ZSCAN10: variants seen among roughly 807,000 people sequenced by gnomAD.
ZSCAN10 encodes zinc finger and SCAN domain-containing protein 10.
A neutral mutation model predicts 63.7 loss-of-function variants in ZSCAN10; 52 were observed. The ratio of observed to expected loss-of-function variants is 0.82; its 90% CI spans 0.65 to 1.03. The LOEUF is 1.03. Ranked by LOEUF, ZSCAN10 falls within the 50% of genes least tolerant of loss-of-function variation. The probability of loss-of-function intolerance (pLI) is 0.00; values close to 1 mark genes in which losing one functional copy is unlikely to be tolerated. For missense variants in ZSCAN10, 1,223 were observed against 1,103.8 expected (o/e 1.11, Z -1.53); for synonymous variants, 544 against 479.6 (o/e 1.13, Z -1.76).
rs1051757930 is a variant in ZSCAN10, at chr16:3,096,907, C to T, written c.-68+2283G>A. Among the ~76,000 whole-genome samples the T allele has an allele frequency of 2.8e-5, 4 of 143,178 alleles. No individual in the cohort carries two copies. In the Admixed American group the frequency reaches 2.8e-4, roughly 10 times the overall value. 93.9% of individuals were successfully genotyped at this position (143,178 alleles called of 152,430 possible). On this transcript the variant is annotated intron_variant, in intron 1 of 5. Transcript: ENST00000576985. ...TCGTGCCACTGCACTCCAGCCTGGG[C>T]GACAGAATTAGACTCTGCCTCAAAA... is the stretch of plus-strand genomic sequence containing the variant.
intron 1 of ZSCAN10, among the ~76,000 whole-genome samples, chr16:3,094,588 G>A (rs750493066): frequency 3.3e-5 from 5 of 152,100 alleles, no homozygotes; most frequent in African/African-American, 1.2e-4. Flanking sequence ...CAGGTGATCC[G>A]CCCGCTTCGG....
chr16:3,091,943 C>T, intron 3 of ZSCAN10, 106 bp downstream of exon 3: 1 of 1,586,952 alleles, frequency 6.3e-7, no homozygotes, highest in South Asian at 1.1e-5. Flanking sequence ...CCTTGGCGCT[C>T]TCCTGTCCTG....
In ZSCAN10 at chr16:3,090,556, T is replaced by C. The variant is rs757954787; in HGVS notation, c.878A>G (p.Gln293Arg). 2 of 1,606,212 alleles carry C rather than the reference T, an allele frequency of 1.2e-6. No individual in the cohort carries two copies. The highest frequency in any genetic ancestry group is 2.2e-5 in the East Asian group (1 of 44,618). ...TCCCGGCACCCCAGGACTATCTGCCTGGGACTCTGCTAAGATGGGAGTGGG... is the reference window on the plus strand; with the variant it reads ...TCCCGGCACCCCAGGACTATCTGCCCGGGACTCTGCTAAGATGGGAGTGGG... ...AWPTPILAES[Q>R]ADSPGVPGEP... The change falls in exon 6 of 6, where the codon CAG becomes CGG. Residue 293 changes from glutamine to arginine, a missense_variant. Physicochemically the swap from Gln to Arg is conservative, Grantham distance 43 (BLOSUM62 1). Transcript: ENST00000576985.
rs748624320 is a variant in ZSCAN10 at position 3,089,580 on chromosome 16, G to T, written c.1854C>A (p.Thr618=). 1 of 1,588,866 alleles carries T rather than the reference G, an allele frequency of 6.3e-7. No individual in the cohort carries two copies. Among genetic ancestry groups the T allele is most frequent in the Non-Finnish European group, 8.6e-7 (1 of 1,168,350 alleles). Residue 618 remains threonine, a synonymous_variant, in exon 6 of 6, where the codon ACC becomes ACA. Coordinates refer to ENST00000576985, the MANE Select transcript of ZSCAN10 (RefSeq NM_032805.3). ...TGCGCTGGTGGCGGGCCAGATCCTG[G>T]GTCTGGCCGAAACTCTTCCCGCACT... ...CTQCGKSFGQ[T]QDLARHQRSH... is the part of the protein sequence containing the mutation.
At chr16:3,098,900 T>C (rs1038396374) in intron 1 of ZSCAN10, among the ~76,000 whole-genome samples, 4 of 152,218 alleles carry the variant, frequency 2.6e-5, no homozygotes, top group African/African-American at 9.6e-5. Context: ...TCCCTCCGCG[T>C]GCTGGGCTGA....
rs977208300 is a variant in ZSCAN10, at chr16:3,099,227, G to C, written c.-105C>G. ...CCACTACACAGGCAGAGATGCTGGG[G>C]GGTTTTCTGAGGACTCCAGGGCCAA... On this transcript the variant is annotated 5_prime_UTR_variant, in exon 1 of 6. Transcript: ENST00000576985. The C allele has an allele frequency of 7.9e-5, 12 of 152,468 alleles. No individual in the cohort carries two copies. The highest frequency in any genetic ancestry group is 2.9e-4 in the African/African-American group (12 of 41,448). The allele number at this position is 152,468 out of a possible 1,614,324, so 9.4% of individuals were successfully genotyped here.
In ZSCAN10 at chr16:3,090,491, T is replaced by C. The variant is rs2151214914; in HGVS notation, c.943A>G (p.Ser315Gly). 6.2e-7 allele frequency: 1 copy of C among 1,613,352 alleles called. No homozygotes were observed. The highest frequency in any genetic ancestry group is 1.6e-4 in the Middle Eastern group (1 of 6,062). The part of the protein sequence containing the change: ...AQSLGRGAAA[S>G]GPGEDGSLLG... ...AGGGACCCATCTTCACCAGGGCCGC[T>C]AGCCGCAGCGCCCCGTCCGAGCGAC... The change falls in exon 6 of 6, where the codon AGC becomes GGC. Residue 315 changes from serine to glycine, a missense_variant. Coordinates refer to ENST00000576985, the MANE Select transcript of ZSCAN10 (RefSeq NM_032805.3).
Position 3,089,297 on chromosome 16 carries a change from C to A in ZSCAN10, c.2137G>T (p.Ala713Ser). Residue 713 changes from alanine to serine, a missense_variant, in exon 6 of 6, where the codon GCG (alanine) becomes TCG (serine). Coordinates refer to ENST00000576985, the MANE Select transcript of ZSCAN10 (RefSeq NM_032805.3). Reference sequence around the variant, plus strand: ...TCGGCCTGCTCCTGCCCGGGCTCCGCATGGGTAGCCAGGTGCCGCCGCAGA... The same window carrying A: ...TCGGCCTGCTCCTGCCCGGGCTCCGAATGGGTAGCCAGGTGCCGCCGCAGA... ...AHLRRHLATH[A>S]EPGQEQAEPP... is the part of the protein sequence containing the mutation. 1 of 1,568,076 alleles carries A rather than the reference C, an allele frequency of 6.4e-7. No individual in the cohort carries two copies.
At chr16:3,093,099 C>T in intron 1 of ZSCAN10, 95 bp from the exon 2 acceptor site, 4 of 956,978 alleles carry the variant, frequency 4.2e-6, no homozygotes, top group Non-Finnish European at 5.5e-6. Context: ...TACGCAGACC[C>T]AGAGGAATCG....
intron 1 of ZSCAN10, among the ~76,000 whole-genome samples, chr16:3,095,785 G>A (rs1014726834): frequency 1.2e-4 from 17 of 147,504 alleles, no homozygotes; most frequent in Admixed American, 1.1e-3. Flanking sequence ...CCAAGATCGC[G>A]CCACTGCACT....
rs1159862538 is a variant in ZSCAN10, at chr16:3,089,517, G to A, written c.1917C>T (p.Cys639=). 1.2e-6 allele frequency: 2 copies of A among 1,602,234 alleles called. No homozygotes were observed. The highest frequency in any genetic ancestry group is 8.5e-7 in the Non-Finnish European group (1 of 1,175,586). ...TGEKPCRCSE[C]GEGFSQSAHL... ...GGGCGCTCTGGCTGAAGCCCTCACC[G>A]CACTCGCTGCAGCGGCAGGGCTTCT... Residue 639 remains cysteine, a synonymous_variant, in exon 6 of 6, where the codon TGC becomes TGT. Transcript: ENST00000576985.
chr16:3,090,297 A>C lies in ZSCAN10; in HGVS notation c.1137T>G (p.Leu379=). 1.2e-6 allele frequency: 2 copies of C among 1,609,312 alleles called. No homozygotes were observed. The highest frequency in any genetic ancestry group is 4.5e-5 in the East Asian group (2 of 44,832). Reference sequence around the variant, plus strand: ...TGCGGCCGAAGCTCTTCCCGCAGCAAAGGCACAGGAAGGAGCGCCCAGCCG... The same window carrying C: ...TGCGGCCGAAGCTCTTCCCGCAGCACAGGCACAGGAAGGAGCGCCCAGCCG... The part of the protein sequence containing the change: ...SHPAGRSFLC[L]CCGKSFGRSS... Residue 379 remains leucine, a synonymous_variant, in exon 6 of 6, where the codon CTT becomes CTG. Transcript: ENST00000576985.
rs535408972 is a variant in ZSCAN10 at position 3,088,951 on chromosome 16, G to A, written c.*140C>T. ...TACATAGCTGAGGCCAGAAAGCAAT[G>A]CCTCGGCCAGGGAAGGACAGCTGTG... On this transcript the variant is annotated 3_prime_UTR_variant, in exon 6 of 6. Coordinates refer to ENST00000576985, the MANE Select transcript of ZSCAN10 (RefSeq NM_032805.3). 2 of 1,358,910 alleles carry A rather than the reference G, an allele frequency of 1.5e-6. No individual in the cohort carries two copies. Among genetic ancestry groups the A allele is most frequent in the East Asian group, 6.0e-5 (2 of 33,142 alleles). The allele number at this position is 1,358,910 out of a possible 1,614,324, so 84.2% of individuals were successfully genotyped here.
In ZSCAN10 at chr16:3,089,034, G is replaced by T. The variant is rs1208034104; in HGVS notation, c.*57C>A. 5 of 1,432,668 alleles carry T rather than the reference G, an allele frequency of 3.5e-6. No homozygotes were observed. Among genetic ancestry groups the T allele is most frequent in the Non-Finnish European group, 3.6e-6 (4 of 1,103,322 alleles). The allele number at this position is 1,432,668 out of a possible 1,614,324, so 88.7% of individuals were successfully genotyped here. A position where few individuals can be genotyped will look rare whatever the true frequency, so the allele number is the denominator to read the frequency against. ...GGAAGGGACATTCCTGCAGGCCTCC[G>T]CTGTGGAGGACCCCGGGTAGGTGGC... On this transcript the variant is annotated 3_prime_UTR_variant, in exon 6 of 6. Transcript: ENST00000576985.
rs1166204427 is a variant in ZSCAN10 at position 3,092,477 on chromosome 16, C to T, written c.396+65G>A. 5.5e-6 allele frequency: 8 copies of T among 1,451,170 alleles called. No individual in the cohort carries two copies. The Middle Eastern group carries it at 5.4e-4, about 98-fold the overall frequency. 89.9% of individuals were successfully genotyped at this position (1,451,170 alleles called of 1,614,324 possible). On this transcript the variant is annotated intron_variant, in intron 2 of 5. Transcript: ENST00000576985. Reference sequence around the variant, plus strand: ...GGGGAAAGTGAAGTTTCCAGAGATTCCTCACTGGGGGGATCAAGTCCCCAT... The same window carrying T: ...GGGGAAAGTGAAGTTTCCAGAGATTTCTCACTGGGGGGATCAAGTCCCCAT...
chr16:3,095,280 G>T (rs997556154), intron 1 of ZSCAN10, among the ~76,000 whole-genome samples: 4 of 152,150 alleles, frequency 2.6e-5, no homozygotes, highest in African/African-American at 9.7e-5. Flanking sequence ...CACTTTGGGA[G>T]GCTGACGCAG....
At chr16:3,094,568 C>T (rs1194525116) in intron 1 of ZSCAN10, among the ~76,000 whole-genome samples, 1 of 152,190 alleles carries the variant, frequency 6.6e-6, no homozygotes, top group Non-Finnish European at 1.5e-5. Context: ...TGCTCTCAAA[C>T]TCTTAACCTC....
rs778243397 is a variant in ZSCAN10 at position 3,091,773 on chromosome 16, C to T, written c.720G>A (p.Ala240=). The T allele has an allele frequency of 1.1e-5, 17 of 1,572,186 alleles. No homozygotes were observed. Among genetic ancestry groups the T allele is most frequent in the African/African-American group, 4.1e-5 (3 of 73,668 alleles). The stretch of plus-strand genomic sequence containing the variant: ...GTGCGGCCCAGCTCACCAGCACAGC[C>T]GCCAGCTCCTGATCTCGGGAACTCT... ...PEESSRDQEL[A]AVLECLTFED... The change falls in exon 4 of 6, where the codon GCG becomes GCA. Residue 240 remains alanine, a synonymous_variant. Transcript: ENST00000576985.
rs1336343407 is a variant in ZSCAN10 at position 3,089,539 on chromosome 16, T to C, written c.1895A>G (p.Lys632Arg). The C allele has an allele frequency of 6.3e-7, 1 of 1,599,560 alleles. No individual in the cohort carries two copies. The highest frequency in any genetic ancestry group is 8.5e-7 in the Non-Finnish European group (1 of 1,174,240). ...ARHQRSHTGE[K>R]PCRCSECGEG... Reference sequence around the variant, plus strand: ...ACCGCACTCGCTGCAGCGGCAGGGCTTCTCGCCCGTGTGGCTGCGCTGGTG... The same window carrying C: ...ACCGCACTCGCTGCAGCGGCAGGGCCTCTCGCCCGTGTGGCTGCGCTGGTG... The change falls in exon 6 of 6, where the codon AAG becomes AGG. Residue 632 changes from lysine (K) to arginine (R), a missense_variant. Transcript: ENST00000576985.
Sources: allele counts gnomAD v4.1 joint callset (sites outside exome capture counted in the v4.1 genomes callset), GRCh38; gene constraint gnomAD v4.1.1; transcripts MANE v1.5; gene names NCBI Gene and HGNC (gene_info 2026-07-23, HGNC 2026-07-21).